The following LRCH2 variants were observed in gnomAD, a reference collection of about 807,000 sequenced individuals.
The protein encoded by LRCH2 is leucine rich repeats and calponin homology domain containing 2.
A neutral mutation model predicts 68.9 loss-of-function variants in LRCH2; 38 were observed. The observed-to-expected ratio is 0.55, with a 90% CI of 0.43 to 0.72. The LOEUF (loss-of-function observed/expected upper bound fraction) is 0.72, where lower values mean the gene tolerates loss of function less well. Ranked by LOEUF, LRCH2 falls within the 30% of genes least tolerant of loss-of-function variation. The pLI is 0.00. For synonymous variants in LRCH2, 191 were observed against 208.1 expected (o/e 0.92, Z 0.71); for missense variants, 528 against 572.9 (o/e 0.92, Z 0.80).
chrX:115,187,174 T>C (rs2072739123), intron 2 of LRCH2, among the ~76,000 whole-genome samples: 1 of 111,630 alleles, frequency 9.0e-6, no homozygotes, highest in Admixed American at 9.5e-5. Flanking sequence ...AAATAGCTTG[T>C]ACTGTCAGGT....
intron 1 of LRCH2, among the ~76,000 whole-genome samples, chrX:115,200,843 A>G: frequency 9.0e-6 from 1 of 111,319 alleles, no homozygotes; most frequent in East Asian, 2.8e-4. Context: ...CGAGGACACA[A>G]CAACCAAAAA....
chrX:115,134,098 T>C (rs1016926526), intron 14 of LRCH2, among the ~76,000 whole-genome samples: 15 of 112,232 alleles, frequency 1.3e-4, no homozygotes, highest in Non-Finnish European at 2.6e-4. Context: ...TTGAGTGGTC[T>C]GGATAGAATA....
chrX:115,153,337 T>A (rs1210276979), intron 12 of LRCH2, among the ~76,000 whole-genome samples: 11 of 108,468 alleles, frequency 1.0e-4, no homozygotes, highest in African/African-American at 1.3e-4. Flanking sequence ...AAAAAAAATT[T>A]AAAAAAAGAC....
chrX:115,221,347 A>G (rs2073084264), intron 1 of LRCH2, among the ~76,000 whole-genome samples: 1 of 107,734 alleles, frequency 9.3e-6, no homozygotes, highest in African/African-American at 3.4e-5. Context: ...CATTTTTAAA[A>G]ATAACAAAAC....
chrX:115,218,653 G>C (rs2073057709), intron 1 of LRCH2, among the ~76,000 whole-genome samples: 1 of 112,230 alleles, frequency 8.9e-6, no homozygotes, highest in South Asian at 3.7e-4. Flanking sequence ...TTTAGGCTCT[G>C]TTTCATCGCT....
Position 115,167,487 on chromosome X carries a change from C to A in LRCH2, c.999-1145G>T, listed in dbSNP as rs191864125. The stretch of plus-strand genomic sequence containing the variant: ...TTCTCCTCGGTAAAGTTAGGAAAGG[C>A]ATCACTCAAGAATGTGGCATTTGAG... On this transcript the variant is annotated intron_variant, in intron 6 of 20. Coordinates refer to ENST00000317135, the MANE Select transcript of LRCH2 (RefSeq NM_020871.4). 7.1e-3 allele frequency among the ~76,000 whole-genome samples: 773 copies of A among 108,930 alleles called. 8 individuals are homozygous for A. The highest frequency in any genetic ancestry group is 0.025 in the African/African-American group (740 of 30,189). The allele number at this position is 108,930 out of a possible 115,157, so 94.6% of individuals were successfully genotyped here.
intron 1 of LRCH2, among the ~76,000 whole-genome samples, chrX:115,212,944 C>T (rs782418266): frequency 4.5e-4 from 49 of 108,456 alleles, no homozygotes; most frequent in African/African-American, 1.6e-3. Flanking sequence ...GCACTCCAGC[C>T]TGGGAGACAG....
intron 1 of LRCH2, among the ~76,000 whole-genome samples, chrX:115,229,735 T>C (rs1556577776): frequency 3.6e-5 from 4 of 111,856 alleles, no homozygotes; most frequent in African/African-American, 1.3e-4. Context: ...AATCATGAGC[T>C]CATTCCACTA....
intron 11 of LRCH2, among the ~76,000 whole-genome samples, chrX:115,161,290 G>C (rs1255201896): frequency 9.0e-6 from 1 of 110,984 alleles, no homozygotes; most frequent in African/African-American, 3.3e-5. Flanking sequence ...GGAGGCAGAG[G>C]CTGCAGTGAG....
chrX:115,167,973 A>C (rs2072577015), intron 6 of LRCH2, among the ~76,000 whole-genome samples: 1 of 112,370 alleles, frequency 8.9e-6, no homozygotes, highest in Admixed American at 9.4e-5. Context: ...AAGGCATTGC[A>C]CTAAGTGCTC....
intron 1 of LRCH2, among the ~76,000 whole-genome samples, chrX:115,211,182 T>C (rs1556569904): frequency 9.0e-6 from 1 of 111,676 alleles, no homozygotes; most frequent in East Asian, 2.8e-4. Context: ...CAGAATTATA[T>C]GGTTTGGCCG....
chrX:115,184,626 T>G (rs1213308622), intron 2 of LRCH2, 89 bp from the exon 3 acceptor site: 8 of 826,719 alleles, frequency 9.7e-6, no homozygotes, highest in Non-Finnish European at 1.3e-5. Context: ...GTAAATAATA[T>G]TCTATCACTA....
At chrX:115,139,347 T>G (rs1373498561) in intron 14 of LRCH2, among the ~76,000 whole-genome samples, 1 of 112,322 alleles carries the variant, frequency 8.9e-6, no homozygotes, top group African/African-American at 3.2e-5. Context: ...GTTATTATGT[T>G]TTATCATAAT....
At chrX:115,179,896 A>G (rs2072678764) in intron 3 of LRCH2, 145 bp from the exon 4 acceptor site, 1 of 191,292 alleles carries the variant, frequency 5.2e-6, no homozygotes, top group Non-Finnish European at 9.5e-6. Flanking sequence ...AAGATGGATT[A>G]TCTGGCAGAT....
In LRCH2 at chrX:115,179,464, A is replaced by C; in HGVS notation, c.827T>G (p.Ile276Ser). The change falls in exon 5 of 21, where the codon ATT becomes AGT. Residue 276 changes from isoleucine (I) to serine (S), a missense_variant. Physicochemically the swap from Ile to Ser is moderately radical, Grantham distance 142. Transcript: ENST00000317135. ...TACTTGCAATGGATTGTTATCCAAAATTATTACTTGTAAATGATGCAGCTT... is the reference window on the plus strand; with the variant it reads ...TACTTGCAATGGATTGTTATCCAAACTTATTACTTGTAAATGATGCAGCTT... ...YRKLHHLQVI[I>S]LDNNPLQVPP... The C allele has an allele frequency of 8.7e-7, 1 of 1,147,180 alleles. No individual in the cohort carries two copies. The highest frequency in any genetic ancestry group is 1.2e-6 in the Non-Finnish European group (1 of 863,965). The allele number at this position is 1,147,180 out of a possible 1,213,427, so 94.5% of individuals were successfully genotyped here. A position where few individuals can be genotyped will look rare whatever the true frequency, so the allele number is the denominator to read the frequency against.
chrX:115,226,073 C>T (rs1304591948), intron 1 of LRCH2, among the ~76,000 whole-genome samples: 1 of 111,023 alleles, frequency 9.0e-6, no homozygotes, highest in Non-Finnish European at 1.9e-5. Flanking sequence ...CAAGAGAAAT[C>T]CTTGCACAAG....
At chrX:115,174,449 C>T (rs944960880) in intron 5 of LRCH2, among the ~76,000 whole-genome samples, 9 of 108,780 alleles carry the variant, frequency 8.3e-5, no homozygotes, top group Non-Finnish European at 1.3e-4. Flanking sequence ...TCCACATATA[C>T]GTGAGATCAC....
At chrX:115,146,506 G>A (rs1384912558) in intron 14 of LRCH2, among the ~76,000 whole-genome samples, 1 of 110,249 alleles carries the variant, frequency 9.1e-6, no homozygotes, top group Non-Finnish European at 1.9e-5. Flanking sequence ...AACATTGTAT[G>A]CCTTTCAAAA....
chrX:115,122,986 T>TA, intron 18 of LRCH2, 89 bp from the exon 19 acceptor site: 2 of 1,083,995 alleles, frequency 1.8e-6, no homozygotes, highest in Non-Finnish European at 2.5e-6. Flanking sequence ...CCAAACATTT[T>TA]AAGGAGCATT....
Sources: gnomAD v4.1 joint callset for allele counts (sites outside exome capture counted in the v4.1 genomes callset) on GRCh38, gnomAD v4.1.1 for gene constraint, MANE v1.5 for transcripts, NCBI Gene and HGNC (gene_info 2026-07-23, HGNC 2026-07-21) for gene names.